The following ERCC8 variants were observed in gnomAD, a reference collection of about 807,000 sequenced individuals.
The protein encoded by ERCC8 is ERCC excision repair 8, CSA ubiquitin ligase complex subunit.
A neutral mutation model predicts 54.9 loss-of-function variants in ERCC8; 52 were observed. The ratio of observed to expected loss-of-function variants is 0.95; its 90% CI spans 0.76 to 1.19. The LOEUF (loss-of-function observed/expected upper bound fraction) is 1.19. ERCC8 is among the 50% of genes most tolerant of loss of function. The probability of loss-of-function intolerance (pLI) is 0.00; values close to 1 mark genes in which losing one functional copy is unlikely to be tolerated. For missense variants in ERCC8, 514 were observed against 466.1 expected (o/e 1.10, Z -0.95); for synonymous variants, 146 against 157.2 (o/e 0.93, Z 0.53).
At chr5:60,942,098 T>C (rs1750275917) in intron 1 of ERCC8, among the ~76,000 whole-genome samples, 1 of 152,130 alleles carries the variant, frequency 6.6e-6, no homozygotes, top group South Asian at 2.1e-4. Context: ...TAAAGAATTA[T>C]ACAAAAAGAT....
At chr5:60,928,110 AT>A (rs1445950346) in intron 2 of ERCC8, among the ~76,000 whole-genome samples, 2 of 152,224 alleles carry the variant, frequency 1.3e-5, no homozygotes, top group African/African-American at 2.4e-5. Context: ...ATGTGGCCTA[AT>A]TGTAGGCCAC....
intron 4 of ERCC8, among the ~76,000 whole-genome samples, chr5:60,908,021 T>C (rs1159547557): frequency 6.6e-6 from 1 of 152,190 alleles, no homozygotes. Context: ...TTGTATCATA[T>C]ATTCCTGATT....
Position 60,904,840 on chromosome 5 carries a change from A to G in ERCC8, c.433T>C (p.Tyr145His). 1 of 1,591,242 alleles carries G rather than the reference A, an allele frequency of 6.3e-7. No individual in the cohort carries two copies. ...ADVFNFEETV[Y>H]SHHMSPVSTK... ...GAGACTGGAGACATATGATGACTAT[A>G]AACTGTTTCCTCAAAATTAAATACA... The change falls in exon 5 of 12, where the codon TAT becomes CAT. Residue 145 changes from tyrosine to histidine, a missense_variant. Physicochemically the swap from Tyr to His is moderately conservative, Grantham distance 83 (BLOSUM62 2). Transcript: ENST00000676185.
At chr5:60,907,006 T>G (rs1454632976) in intron 4 of ERCC8, among the ~76,000 whole-genome samples, 1 of 152,228 alleles carries the variant, frequency 6.6e-6, no homozygotes, top group Non-Finnish European at 1.5e-5. Context: ...GACTTGCCCA[T>G]GAGCCCAGAC....
At chr5:60,881,856 C>CACCCA (rs1186068532) in intron 11 of ERCC8, among the ~76,000 whole-genome samples, 1 of 152,154 alleles carries the variant, frequency 6.6e-6, no homozygotes, top group Non-Finnish European at 1.5e-5. Flanking sequence ...CAGTGCGCTG[C>CACCCA]ACCCACTGTC....
At chr5:60,922,714 T>G (rs971419278) in intron 2 of ERCC8, among the ~76,000 whole-genome samples, 1 of 152,120 alleles carries the variant, frequency 6.6e-6, no homozygotes, top group Non-Finnish European at 1.5e-5. Flanking sequence ...TATGAATGCA[T>G]TCACTCAATT....
intron 9 of ERCC8, among the ~76,000 whole-genome samples, chr5:60,897,035 T>G (rs1748743086): frequency 6.6e-6 from 1 of 152,174 alleles, no homozygotes; most frequent in African/African-American, 2.4e-5. Flanking sequence ...GTTCCTCATC[T>G]GTTATTCCCT....
intron 3 of ERCC8, among the ~76,000 whole-genome samples, chr5:60,920,979 C>T (rs1182561575): frequency 1.3e-5 from 2 of 151,774 alleles, no homozygotes; most frequent in Non-Finnish European, 2.9e-5. Context: ...GCCTAAGTCT[C>T]TAAGTTCTAG....
chr5:60,912,436 G>C (rs1294436689), intron 4 of ERCC8, among the ~76,000 whole-genome samples: 1 of 152,056 alleles, frequency 6.6e-6, no homozygotes, highest in African/African-American at 2.4e-5. Context: ...TTTGCATGTT[G>C]ATTTTGTATC....
chr5:60,885,653 C>G (rs1053469163), intron 11 of ERCC8, among the ~76,000 whole-genome samples: 1 of 152,030 alleles, frequency 6.6e-6, no homozygotes, highest in Non-Finnish European at 1.5e-5. Flanking sequence ...GTGATAAAAT[C>G]TGGAAGTATG....
At position 60,929,493 on chromosome 5, in the gene ERCC8, AG is replaced by A. The variant is rs1327587135; in HGVS notation, c.78-535del. On this transcript the variant is annotated intron_variant, in intron 1 of 11. Transcript: ENST00000676185. ...GGGCTCCTATGCAGGAGACTGAGGC[AG>A]GAGGATTGCTTGAGCCCAGGAGTTC... is the stretch of plus-strand genomic sequence containing the variant. Among the ~76,000 whole-genome samples, 4 of 152,288 alleles carry A rather than the reference AG, an allele frequency of 2.6e-5. No individual in the cohort carries two copies. In the East Asian group the frequency reaches 7.7e-4, roughly 29 times the overall value.
rs1366748153 is a variant in ERCC8 at position 60,867,369 on chromosome 5, C to T, written c.*7246G>A. Among the ~76,000 whole-genome samples, 1 of 152,144 alleles carries T rather than the reference C, an allele frequency of 6.6e-6. No homozygotes were observed. The highest frequency in any genetic ancestry group is 2.4e-5 in the African/African-American group (1 of 41,430). On this transcript the variant is annotated 3_prime_UTR_variant, in exon 12 of 12. Coordinates refer to ENST00000676185, the MANE Select transcript of ERCC8 (RefSeq NM_000082.4). ...TTCAGGGTTCAGGCCATTCTCCTGC[C>T]TCTGATGCCCAAAGTGCTGGGTTTA...
intron 2 of ERCC8, among the ~76,000 whole-genome samples, chr5:60,927,734 T>C (rs1580038230): frequency 6.6e-6 from 1 of 152,126 alleles, no homozygotes; most frequent in Non-Finnish European, 1.5e-5. Context: ...GTTTCATAAG[T>C]GAGTGCCCCC....
rs906489476 is a variant in ERCC8, at chr5:60,870,365, C to T, written c.*4250G>A. 2.0e-5 allele frequency among the ~76,000 whole-genome samples: 3 copies of T among 151,294 alleles called. No homozygotes were observed. The highest frequency in any genetic ancestry group is 4.4e-5 in the Non-Finnish European group (3 of 67,894). On this transcript the variant is annotated 3_prime_UTR_variant, in exon 12 of 12. Coordinates refer to ENST00000676185, the MANE Select transcript of ERCC8 (RefSeq NM_000082.4). ...AATGAAAGAGAAGTCGAAGTCAGGC[C>T]CGGCACGGTGGCTCACGCCTGTAAA...
At chr5:60,895,296 T>C (rs556371267) in intron 9 of ERCC8, among the ~76,000 whole-genome samples, 2 of 152,148 alleles carry the variant, frequency 1.3e-5, no homozygotes, top group East Asian at 3.9e-4. Flanking sequence ...GCTAATAATC[T>C]ATGGATACTA....
chr5:60,939,291 T>C (rs1561519863), intron 1 of ERCC8, among the ~76,000 whole-genome samples: 1 of 152,204 alleles, frequency 6.6e-6, no homozygotes, highest in African/African-American at 2.4e-5. Flanking sequence ...GCAAGGTTCA[T>C]AGGTTTCCTC....
At chr5:60,930,714 T>C (rs1436710187) in intron 1 of ERCC8, among the ~76,000 whole-genome samples, 1 of 151,972 alleles carries the variant, frequency 6.6e-6, no homozygotes, top group South Asian at 2.1e-4. Context: ...TGACATTTAT[T>C]GCAATACATC....
At chr5:60,880,625 T>C (rs1389183257) in intron 11 of ERCC8, among the ~76,000 whole-genome samples, 1 of 152,260 alleles carries the variant, frequency 6.6e-6, no homozygotes, top group Non-Finnish European at 1.5e-5. Flanking sequence ...TGATCTTCCA[T>C]CACTGATACC....
intron 9 of ERCC8, among the ~76,000 whole-genome samples, chr5:60,894,473 T>C (rs1748665673): frequency 6.6e-6 from 1 of 152,152 alleles, no homozygotes; most frequent in Admixed American, 6.5e-5. Flanking sequence ...AGGCTAAGTG[T>C]AAAAAAGCAC....
Sources: gnomAD v4.1 joint callset for allele counts (sites outside exome capture counted in the v4.1 genomes callset) on GRCh38, gnomAD v4.1.1 for gene constraint, MANE v1.5 for transcripts, NCBI Gene and HGNC (gene_info 2026-07-23, HGNC 2026-07-21) for gene names.